Variants in CILK1 observed in about 807,000 individuals in gnomAD.
CILK1 encodes ciliogenesis associated kinase 1.
Under a neutral mutation model 79.2 loss-of-function variants are expected in CILK1, and 47 were observed. That is an observed-to-expected ratio of 0.59 (90% confidence interval 0.47 to 0.76). The LOEUF is 0.76. Among genes scored for constraint, CILK1 ranks in the 30% least tolerant of loss-of-function variants. CILK1 has a pLI of 0.00. For synonymous variants in CILK1, 266 were observed against 275.9 expected (o/e 0.96, Z 0.36); for missense variants, 660 against 769.5 (o/e 0.86, Z 1.68).
At chr6:53,048,306 C>T (rs1767245857) in intron 1 of CILK1, among the ~76,000 whole-genome samples, 1 of 152,124 alleles carries the variant, frequency 6.6e-6, no homozygotes, top group Non-Finnish European at 1.5e-5. Context: ...ATAATTGTTC[C>T]AAGTGTACAA....
chr6:53,013,612 G>C, intron 9 of CILK1, 50 bp downstream of exon 9: 1 of 1,531,740 alleles, frequency 6.5e-7, no homozygotes, highest in Non-Finnish European at 9.0e-7. Context: ...AATGGGGTCA[G>C]AAGAGGAATA....
intron 4 of CILK1, among the ~76,000 whole-genome samples, chr6:53,031,506 A>G (rs1169100304): frequency 6.6e-6 from 1 of 152,160 alleles, no homozygotes; most frequent in Non-Finnish European, 1.5e-5. Context: ...AATAAAGATG[A>G]TATTTGTTCA....
At chr6:53,025,678 A>G (rs1421099152) in intron 5 of CILK1, among the ~76,000 whole-genome samples, 1 of 152,210 alleles carries the variant, frequency 6.6e-6, no homozygotes, top group Non-Finnish European at 1.5e-5. Flanking sequence ...TTAATTGCTA[A>G]CAGACTATAA....
intron 11 of CILK1, 84 bp downstream of exon 11, chr6:53,011,685 T>C: frequency 7.3e-7 from 1 of 1,365,304 alleles, no homozygotes; most frequent in Non-Finnish European, 1.0e-6. Context: ...ATCTGCCTTC[T>C]AAAACAGAAC....
chr6:53,060,311 G>A (rs994736415), intron 1 of CILK1, among the ~76,000 whole-genome samples: 11 of 152,114 alleles, frequency 7.2e-5, no homozygotes, highest in African/African-American at 2.7e-4. Flanking sequence ...AGGACAGCAG[G>A]GGTCTACCTA....
intron 1 of CILK1, among the ~76,000 whole-genome samples, chr6:53,044,030 T>C (rs1231119108): frequency 6.6e-6 from 1 of 152,084 alleles, no homozygotes; most frequent in Non-Finnish European, 1.5e-5. Flanking sequence ...GGGGAACTTG[T>C]GGAAAGAGTT....
intron 2 of CILK1, among the ~76,000 whole-genome samples, chr6:53,039,653 G>T (rs1055458581): frequency 6.6e-6 from 1 of 152,204 alleles, no homozygotes; most frequent in African/African-American, 2.4e-5. Flanking sequence ...GCTGGCATGG[G>T]CATAGAGCTG....
chr6:53,006,803 G>A lies in CILK1; in HGVS notation c.1622-366C>T, dbSNP rs372965362. Among the ~76,000 whole-genome samples, 11 of 152,240 alleles carry A rather than the reference G, an allele frequency of 7.2e-5. No homozygotes were observed. In the East Asian group the frequency reaches 1.7e-3, roughly 24 times the overall value. ...TAATATAGAATAGTTATCCTTCCATGTGAGTACATATAAATTCTAGAGTAT... is the reference window on the plus strand; with the variant it reads ...TAATATAGAATAGTTATCCTTCCATATGAGTACATATAAATTCTAGAGTAT... On this transcript the variant is annotated intron_variant, in intron 12 of 13. Transcript: ENST00000676107.
Position 53,019,304 on chromosome 6 carries a change from A to G in CILK1, c.414T>C (p.Leu138=). 5 of 1,614,064 alleles carry G rather than the reference A, an allele frequency of 3.1e-6. No homozygotes were observed. Among genetic ancestry groups the G allele is most frequent in the Non-Finnish European group, 4.2e-6 (5 of 1,179,926 alleles). Residue 138 remains leucine (L), a synonymous_variant, in exon 6 of 14, where the codon CTT becomes CTC. Coordinates refer to ENST00000676107, the MANE Select transcript of CILK1 (RefSeq NM_014920.5). The part of the protein sequence containing the change: ...PENLLCMGPE[L]VKIADFGLAR... ...CCAAACCAAAGTCTGCAATTTTCAC[A>G]AGTTCTGGTCCCATGCAGAGGAGGT... is the stretch of plus-strand genomic sequence containing the variant.
At chr6:53,045,910 T>G (rs563826841) in intron 1 of CILK1, among the ~76,000 whole-genome samples, 1 of 151,480 alleles carries the variant, frequency 6.6e-6, no homozygotes. Flanking sequence ...CTATAGACAA[T>G]GGGAAGTCAA....
At chr6:53,022,390 T>C (rs895330148) in intron 5 of CILK1, among the ~76,000 whole-genome samples, 1 of 152,360 alleles carries the variant, frequency 6.6e-6, no homozygotes, top group South Asian at 2.1e-4. Context: ...ACCTTTTCTA[T>C]GTTTAGATAC....
chr6:53,048,681 G>A (rs1388029217), intron 1 of CILK1, among the ~76,000 whole-genome samples: 1 of 152,184 alleles, frequency 6.6e-6, no homozygotes. Flanking sequence ...AGGGACCATG[G>A]TAGGCGCCTT....
intron 13 of CILK1, among the ~76,000 whole-genome samples, chr6:53,005,950 T>G (rs1407763787): frequency 1.3e-5 from 2 of 152,176 alleles, no homozygotes; most frequent in African/African-American, 4.8e-5. Context: ...CACAGAACAA[T>G]CTCCTGTCTG....
At chr6:53,038,854 C>G (rs1766521799) in intron 2 of CILK1, among the ~76,000 whole-genome samples, 1 of 152,154 alleles carries the variant, frequency 6.6e-6, no homozygotes, top group Non-Finnish European at 1.5e-5. Context: ...GGTCTAGAGC[C>G]TCAATGGAGA....
chr6:53,010,958 G>T (rs1764535062), intron 11 of CILK1, among the ~76,000 whole-genome samples: 1 of 152,196 alleles, frequency 6.6e-6, no homozygotes. Flanking sequence ...CTGCCTGGCT[G>T]TTTTGTTCAC....
chr6:53,032,776 G>T, intron 3 of CILK1, 122 bp from the exon 4 acceptor site: 2 of 699,074 alleles, frequency 2.9e-6, no homozygotes, highest in Non-Finnish European at 4.6e-6. Flanking sequence ...TCAGAAATGT[G>T]CTAAATTATA....
intron 5 of CILK1, among the ~76,000 whole-genome samples, chr6:53,027,055 A>G (rs1765625324): frequency 6.6e-6 from 1 of 152,252 alleles, no homozygotes; most frequent in Non-Finnish European, 1.5e-5. Flanking sequence ...TTCAAACACT[A>G]TGAATTTATA....
At chr6:53,005,885 T>C (rs1229562167) in intron 13 of CILK1, among the ~76,000 whole-genome samples, 1 of 152,174 alleles carries the variant, frequency 6.6e-6, no homozygotes, top group East Asian at 1.9e-4. Flanking sequence ...TCCCACACTC[T>C]GGCCTCCTTG....
chr6:53,045,151 T>C (rs1766975785), intron 1 of CILK1, among the ~76,000 whole-genome samples: 1 of 152,206 alleles, frequency 6.6e-6, no homozygotes, highest in Non-Finnish European at 1.5e-5. Context: ...CAGACTTATT[T>C]AATACAACTT....
Sources: gnomAD v4.1 joint callset for allele counts (sites outside exome capture counted in the v4.1 genomes callset) on GRCh38, gnomAD v4.1.1 for gene constraint, MANE v1.5 for transcripts, NCBI Gene and HGNC (gene_info 2026-07-23, HGNC 2026-07-21) for gene names.